The following ZNF462 variants were observed in gnomAD, a reference collection of about 807,000 sequenced individuals.
ZNF462 encodes the protein zinc finger PBX1-interacting protein.
ZNF462 carries 10 observed loss-of-function variants against 201.9 expected under a neutral mutation model. The observed-to-expected ratio is 0.05, with a 90% CI of 0.03 to 0.08. The LOEUF (loss-of-function observed/expected upper bound fraction) is 0.08, where lower values mean the gene tolerates loss of function less well. Ranked by LOEUF, ZNF462 falls within the 10% of genes least tolerant of loss-of-function variation. The probability of loss-of-function intolerance (pLI) is 1.00; values close to 1 mark genes in which losing one functional copy is unlikely to be tolerated. For synonymous variants in ZNF462, 1,227 were observed against 1,193.3 expected, an observed-to-expected ratio of 1.03 and a Z score of -0.58; for missense variants, 2,523 against 3,168.3, an observed-to-expected ratio of 0.80 and a Z score of 4.89.
intron 1 of ZNF462, among the ~76,000 whole-genome samples, chr9:106,889,319 C>A (rs1025641717): frequency 6.6e-6 from 1 of 152,286 alleles, no homozygotes; most frequent in East Asian, 1.9e-4. Context: ...TCGCTGTGCT[C>A]GGGTAGCTCA....
Position 106,925,796 on chromosome 9 carries a change from C to G in ZNF462, c.1884C>G (p.Asn628Lys), listed in dbSNP as rs776576620. ...AGCATAAACATTCATTCTGTGACAA[C>G]TTGCCAAAATTCGAGGGGCAGCCCT... ...HQQHKHSFCD[N>K]LPKFEGQPSS... Residue 628 changes from asparagine (N) to lysine (K), a missense_variant, in exon 3 of 13, where the codon AAC (asparagine) becomes AAG (lysine). Around this residue, in one of 15 missense-constraint regions of ZNF462, gnomAD observed 383 missense variants for 453.4 expected, o/e 0.84. Transcript: ENST00000277225. The surrounding 1 kb of genome is among the most constrained non-coding windows in gnomAD (Gnocchi z 7.9). The G allele has an allele frequency of 1.9e-6, 3 of 1,614,244 alleles. No homozygotes were observed. The highest frequency in any genetic ancestry group is 1.6e-4 in the Middle Eastern group (1 of 6,062).
chr9:106,862,326 GC>G (rs1471319432), upstream of ZNF462, among the ~76,000 whole-genome samples: 1 of 152,112 alleles, frequency 6.6e-6, no homozygotes, highest in Non-Finnish European at 1.5e-5. The surrounding 1 kb of genome is among the most constrained non-coding windows in gnomAD (Gnocchi z 4.2). Context: ...ACCCTCTGGG[GC>G]TCGGGCTCGG....
In ZNF462 at chr9:107,006,270, A is replaced by G. The variant is rs1022577619; in HGVS notation, c.7189+2844A>G. Among the ~76,000 whole-genome samples the G allele has an allele frequency of 6.6e-6, 1 of 152,198 alleles. No homozygotes were observed. On this transcript the variant is annotated intron_variant, in intron 11 of 12. Transcript: ENST00000277225. The surrounding 1 kb of genome is among the most constrained non-coding windows in gnomAD (Gnocchi z 4.3). ...TCACCTAATAAATGATAAGCCTGCA[A>G]TGTAGGTGTTATTTTTGTGATTTCA...
At chr9:106,936,797 T>A (rs1830650662) in intron 6 of ZNF462, among the ~76,000 whole-genome samples, 1 of 152,172 alleles carries the variant, frequency 6.6e-6, no homozygotes, top group Admixed American at 6.5e-5. Context: ...TGATTCGGCC[T>A]GTGGGAAAGA....
chr9:106,924,316 C>T lies in ZNF462; in HGVS notation c.404C>T (p.Ala135Val). 5 of 1,614,144 alleles carry T rather than the reference C, an allele frequency of 3.1e-6. No individual in the cohort carries two copies. The highest frequency in any genetic ancestry group is 4.2e-6 in the Non-Finnish European group (5 of 1,180,024). Residue 135 changes from alanine to valine, a missense_variant, in exon 3 of 13, where the codon GCT becomes GTT. Physicochemically the swap from Ala to Val is moderately conservative, Grantham distance 64. Coordinates refer to ENST00000277225, the MANE Select transcript of ZNF462 (RefSeq NM_021224.6). The surrounding 1 kb of genome is among the most constrained non-coding windows in gnomAD (Gnocchi z 6.2). ...ACTAGAAAGGTCCATGGAGCTCAAG[C>T]TGAAGGGAGTTCATCAGGACCCCCT... is the stretch of plus-strand genomic sequence containing the variant. Reference protein sequence around the residue: ...EHTRKVHGAQAEGSSSGPPVP... With the variant: ...EHTRKVHGAQVEGSSSGPPVP...
At chr9:106,944,734 A>G (rs1831029736) in intron 7 of ZNF462, among the ~76,000 whole-genome samples, 1 of 152,136 alleles carries the variant, frequency 6.6e-6, no homozygotes, top group South Asian at 2.1e-4. Flanking sequence ...GTCTCTAGTA[A>G]TCACTATTCT....
At chr9:106,862,433 C>G (rs932338582), upstream of ZNF462, among the ~76,000 whole-genome samples, 1 of 152,116 alleles carries the variant, frequency 6.6e-6, no homozygotes, top group African/African-American at 2.4e-5. This position sits in a 1 kb window ranked among gnomAD's most constrained non-coding sequence, Gnocchi z 4.2. Flanking sequence ...CGGGCGCCAC[C>G]GGGACGCGAG....
At chr9:106,875,181 T>A (rs968209611) in intron 1 of ZNF462, among the ~76,000 whole-genome samples, 87 of 152,294 alleles carry the variant, frequency 5.7e-4, no homozygotes, top group African/African-American at 2.1e-3. Context: ...TTGCCCCCTT[T>A]CCATGATCTT....
At chr9:106,939,149 G>C in intron 7 of ZNF462, 42 bp downstream of exon 7, 1 of 1,481,770 alleles carries the variant, frequency 6.7e-7, no homozygotes, top group Non-Finnish European at 9.0e-7. Context: ...ACTCAGGGTT[G>C]AGGTGGGCTG....
chr9:106,951,920 G>A (rs1831370130), intron 7 of ZNF462, among the ~76,000 whole-genome samples: 1 of 151,412 alleles, frequency 6.6e-6, no homozygotes, highest in East Asian at 1.9e-4. Context: ...TGACTCTTTC[G>A]GTGTATTGCT....
upstream of ZNF462, among the ~76,000 whole-genome samples, chr9:106,860,615 C>A (rs1827041015): frequency 6.6e-6 from 1 of 152,206 alleles, no homozygotes; most frequent in African/African-American, 2.4e-5. The surrounding 1 kb of genome is among the most constrained non-coding windows in gnomAD (Gnocchi z 7.1). Context: ...TAGGAGCTTT[C>A]AACCTGAAAT....
rs1830358983 is a variant in ZNF462 at position 106,930,022 on chromosome 9, C to G, written c.5847+263C>G. Among the ~76,000 whole-genome samples the G allele has an allele frequency of 6.6e-6, 1 of 152,112 alleles. No homozygotes were observed. Among genetic ancestry groups the G allele is most frequent in the Non-Finnish European group, 1.5e-5 (1 of 68,022 alleles). On this transcript the variant is annotated intron_variant, in intron 3 of 12. Transcript: ENST00000277225. The surrounding 1 kb of genome is among the most constrained non-coding windows in gnomAD (Gnocchi z 5.8). ...GGTTTGGGGTGGTTTCTATGTATGTCTTTCTGCCAAGTAGCTTTATCTGAA... is the reference window on the plus strand; with the variant it reads ...GGTTTGGGGTGGTTTCTATGTATGTGTTTCTGCCAAGTAGCTTTATCTGAA...
At chr9:106,985,083 C>A (rs892643929) in intron 10 of ZNF462, among the ~76,000 whole-genome samples, 1 of 151,974 alleles carries the variant, frequency 6.6e-6, no homozygotes, top group Non-Finnish European at 1.5e-5. Flanking sequence ...TGCACTGGAG[C>A]GTGGGCGACA....
At position 106,972,555 on chromosome 9, in the gene ZNF462, C is replaced by T. The variant is rs1038528898; in HGVS notation, c.6695+283C>T. 2.6e-5 allele frequency among the ~76,000 whole-genome samples: 4 copies of T among 152,160 alleles called. No individual in the cohort carries two copies. The highest frequency in any genetic ancestry group is 4.4e-5 in the Non-Finnish European group (3 of 68,034). ...TTGAAGCAAATGATTTCCTCCCATGCGTGGAGTGGTGTTTCCCTTCAGAGA... is the reference window on the plus strand; with the variant it reads ...TTGAAGCAAATGATTTCCTCCCATGTGTGGAGTGGTGTTTCCCTTCAGAGA... On this transcript the variant is annotated intron_variant, in intron 8 of 12. Transcript: ENST00000277225. The surrounding 1 kb of genome is among the most constrained non-coding windows in gnomAD (Gnocchi z 4.8).
At chr9:106,888,664 C>T (rs535373015) in intron 1 of ZNF462, among the ~76,000 whole-genome samples, 1 of 152,266 alleles carries the variant, frequency 6.6e-6, no homozygotes, top group East Asian at 1.9e-4. Context: ...TTGGCTACTC[C>T]ACATCTGTCA....
intron 9 of ZNF462, among the ~76,000 whole-genome samples, chr9:106,983,295 T>A (rs1381400564): frequency 6.6e-6 from 1 of 152,120 alleles, no homozygotes; most frequent in Non-Finnish European, 1.5e-5. Context: ...TCTCTTTTAT[T>A]TTTTCCCTCT....
rs550370660 is a variant in ZNF462, at chr9:106,942,651, G to A, written c.6427+3544G>A. Among the ~76,000 whole-genome samples, 16 of 152,306 alleles carry A rather than the reference G, an allele frequency of 1.1e-4. No homozygotes were observed. In the South Asian group the frequency reaches 3.3e-3, roughly 32 times the overall value. ...TCCTTCTCCTGCCATATACAACACA[G>A]GACTAGCTTTTATCCGGCTATTTCC... On this transcript the variant is annotated intron_variant, in intron 7 of 12. Coordinates refer to ENST00000277225, the MANE Select transcript of ZNF462 (RefSeq NM_021224.6).
intron 1 of ZNF462, among the ~76,000 whole-genome samples, chr9:106,915,533 T>C (rs1373827056): frequency 6.6e-6 from 1 of 152,244 alleles, no homozygotes; most frequent in East Asian, 1.9e-4. Flanking sequence ...TCCAGTCCCA[T>C]ATAGAAACAC....
Position 106,981,299 on chromosome 9 carries a change from A to G in ZNF462, c.6833-2887A>G, listed in dbSNP as rs2132213848. Among the ~76,000 whole-genome samples, 1 of 152,294 alleles carries G rather than the reference A, an allele frequency of 6.6e-6. No homozygotes were observed. The highest frequency in any genetic ancestry group is 2.4e-5 in the African/African-American group (1 of 41,574). On this transcript the variant is annotated intron_variant, in intron 9 of 12. Coordinates refer to ENST00000277225, the MANE Select transcript of ZNF462 (RefSeq NM_021224.6). The surrounding 1 kb of genome is among the most constrained non-coding windows in gnomAD (Gnocchi z 4.0). ...TACCTTAGAAATCTGTAGCTTTTGC[A>G]TTTTTTAAATATTATGAATGAAAGG... is the stretch of plus-strand genomic sequence containing the variant.
Sources: gnomAD v4.1 joint callset for allele counts (sites outside exome capture counted in the v4.1 genomes callset) on GRCh38, gnomAD v4.1.1 for gene constraint, gnomAD v4.1.1 regional missense constraint, Gnocchi (gnomAD v3.1) non-coding constraint, MANE v1.5 for transcripts, NCBI Gene and HGNC (gene_info 2026-07-23, HGNC 2026-07-21) for gene names.